The following PIGU variants were observed in gnomAD, a reference collection of about 807,000 sequenced individuals.
PIGU encodes the protein phosphatidylinositol glycan anchor biosynthesis class U.
Under a neutral mutation model 49.9 loss-of-function variants are expected in PIGU, and 24 were observed. The observed-to-expected ratio is 0.48, with a 90% CI of 0.35 to 0.68. The LOEUF (loss-of-function observed/expected upper bound fraction) is 0.68. Ranked by LOEUF, PIGU falls within the 30% of genes least tolerant of loss-of-function variation. The pLI is 0.01. For synonymous variants in PIGU, 220 were observed against 205.7 expected (o/e 1.07, Z -0.59); for missense variants, 490 against 532.6 (o/e 0.92, Z 0.79).
intron 2 of PIGU, among the ~76,000 whole-genome samples, chr20:34,647,511 C>T (rs1281849956): frequency 3.3e-5 from 5 of 151,880 alleles, no homozygotes; most frequent in Non-Finnish European, 5.9e-5. Flanking sequence ...CCACCCGCCT[C>T]GGCCTCCCAA....
At chr20:34,661,071 T>C (rs980746911) in intron 1 of PIGU, among the ~76,000 whole-genome samples, 4 of 152,224 alleles carry the variant, frequency 2.6e-5, no homozygotes, top group African/African-American at 9.6e-5. Flanking sequence ...GAGATCTATA[T>C]TTAATGAAGA....
chr20:34,579,779 T>C (rs1196575409), intron 10 of PIGU, among the ~76,000 whole-genome samples: 1 of 152,230 alleles, frequency 6.6e-6, no homozygotes, highest in African/African-American at 2.4e-5. Flanking sequence ...TTGTGCCTCC[T>C]CACCCCAGAG....
intron 2 of PIGU, among the ~76,000 whole-genome samples, chr20:34,651,807 T>C (rs1306993507): frequency 6.6e-6 from 1 of 152,056 alleles, no homozygotes; most frequent in Non-Finnish European, 1.5e-5. Context: ...AGATTCGCAT[T>C]TAAATCCAGG....
At position 34,560,964 on chromosome 20, in the gene PIGU, CAG is replaced by C; in HGVS notation, c.1208_1209del (p.Ser403Ter). On this transcript the variant is annotated frameshift_variant, in exon 12 of 12. Transcript: ENST00000217446. LOFTEE classifies it high-confidence loss of function. Reference protein sequence around the residue: ...TFNVGQILLISDYFYAFLRRE... With the variant: ...TFNVGQILLIXDYFYAFLRRE... ...CGCCGCAGGAAGGCATAGAAGTAAT[CAG>C]AGATGAGCAGGATCTGGGGGGAGAG... The C allele has an allele frequency of 6.2e-7, 1 of 1,607,774 alleles. No individual in the cohort carries two copies. Among genetic ancestry groups the C allele is most frequent in the Non-Finnish European group, 8.5e-7 (1 of 1,174,650 alleles).
chr20:34,580,107 A>C (rs959143293), intron 10 of PIGU, among the ~76,000 whole-genome samples: 7 of 152,338 alleles, frequency 4.6e-5, no homozygotes, highest in African/African-American at 1.7e-4. Flanking sequence ...ATGGGATGAA[A>C]GACAGTCACT....
At chr20:34,633,548 G>A (rs1433063122) in intron 6 of PIGU, among the ~76,000 whole-genome samples, 1 of 151,558 alleles carries the variant, frequency 6.6e-6, no homozygotes, top group Non-Finnish European at 1.5e-5. Flanking sequence ...GGGAAAAGGG[G>A]ATATTGGTAC....
At chr20:34,654,909 G>C (rs1462061773) in intron 2 of PIGU, among the ~76,000 whole-genome samples, 1 of 116,472 alleles carries the variant, frequency 8.6e-6, no homozygotes, top group African/African-American at 3.2e-5. Flanking sequence ...GGAGGCTGAG[G>C]CAGAGGAGTC....
chr20:34,630,212 C>T (rs924418137), intron 6 of PIGU, among the ~76,000 whole-genome samples: 1 of 152,058 alleles, frequency 6.6e-6, no homozygotes, highest in Non-Finnish European at 1.5e-5. Flanking sequence ...TAACTTTCTA[C>T]TCTACCTGCA....
chr20:34,580,805 G>A (rs1247484584), intron 10 of PIGU, among the ~76,000 whole-genome samples: 1 of 152,186 alleles, frequency 6.6e-6, no homozygotes, highest in African/African-American at 2.4e-5. Flanking sequence ...ACCCACCATA[G>A]AGGGCTAAGA....
intron 1 of PIGU, among the ~76,000 whole-genome samples, chr20:34,666,122 G>A (rs1987083167): frequency 6.6e-6 from 1 of 152,022 alleles, no homozygotes; most frequent in African/African-American, 2.4e-5. Flanking sequence ...GAATGCGGAG[G>A]TTGTAGTGAG....
At chr20:34,636,806 G>A (rs935446774) in intron 5 of PIGU, among the ~76,000 whole-genome samples, 1 of 152,092 alleles carries the variant, frequency 6.6e-6, no homozygotes, top group African/African-American at 2.4e-5. Flanking sequence ...TACCTCCCAC[G>A]ACTGTGAGAT....
chr20:34,636,329 G>C (rs984510924), intron 5 of PIGU, among the ~76,000 whole-genome samples: 2 of 152,086 alleles, frequency 1.3e-5, no homozygotes, highest in African/African-American at 2.4e-5. Context: ...GATCATTTGA[G>C]GTCAGGAGTT....
At chr20:34,631,324 A>G (rs1985699547) in intron 6 of PIGU, among the ~76,000 whole-genome samples, 2 of 152,052 alleles carry the variant, frequency 1.3e-5, no homozygotes, top group South Asian at 2.1e-4. Flanking sequence ...AACTTAATCA[A>G]TCAAGAAAAT....
intron 7 of PIGU, among the ~76,000 whole-genome samples, chr20:34,605,983 C>T (rs1984596598): frequency 1.3e-5 from 2 of 152,220 alleles, no homozygotes; most frequent in South Asian, 4.2e-4. Flanking sequence ...CCAGCCGGCG[C>T]AGTGGCTCAC....
rs1986323810 is a variant in PIGU at position 34,645,762 on chromosome 20, T to C, written c.196-428A>G. Among the ~76,000 whole-genome samples, 6 of 152,154 alleles carry C rather than the reference T, an allele frequency of 3.9e-5. No homozygotes were observed. In the South Asian group the frequency reaches 1.2e-3, roughly 32 times the overall value. On this transcript the variant is annotated intron_variant, in intron 2 of 11. Coordinates refer to ENST00000217446, the MANE Select transcript of PIGU (RefSeq NM_080476.5). Reference sequence around the variant, plus strand: ...ATACAAAAAAATTAGCCGGGCGTGGTGGCGGGCGCCTGTAGTCCCAACTAC... The same window carrying C: ...ATACAAAAAAATTAGCCGGGCGTGGCGGCGGGCGCCTGTAGTCCCAACTAC...
intron 11 of PIGU, among the ~76,000 whole-genome samples, chr20:34,574,210 G>A (rs1983129330): frequency 6.6e-6 from 1 of 152,212 alleles, no homozygotes; most frequent in Non-Finnish European, 1.5e-5. Flanking sequence ...AAGCGTGGGT[G>A]AGTCCACCTA....
In PIGU at chr20:34,627,946, T is replaced by C. The variant is rs376897569; in HGVS notation, c.529+6669A>G. 6.7e-4 allele frequency among the ~76,000 whole-genome samples: 102 copies of C among 152,238 alleles called. 2 individuals are homozygous for C. The South Asian group carries it at 8.7e-3, about 13-fold the overall frequency. ...TATCTAGCCATTTTAAGTAATCCAATAATAAATTAAACTAATAGGCCTACA... is the reference window on the plus strand; with the variant it reads ...TATCTAGCCATTTTAAGTAATCCAACAATAAATTAAACTAATAGGCCTACA... On this transcript the variant is annotated intron_variant, in intron 6 of 11. Transcript: ENST00000217446.
At chr20:34,588,645 A>T (rs779842876) in intron 7 of PIGU, 38 bp from the exon 8 acceptor site, 1 of 1,587,516 alleles carries the variant, frequency 6.3e-7, no homozygotes, top group South Asian at 1.1e-5. Context: ...TTAGGGATGT[A>T]AACAACAGAG....
Position 34,575,202 on chromosome 20 carries a change from A to T in PIGU, c.1096T>A (p.Ser366Thr), listed in dbSNP as rs1274990411. Residue 366 changes from serine to threonine, a missense_variant, in exon 11 of 12, where the codon TCC (serine) becomes ACC (threonine). Ser to Thr is a moderately conservative substitution (Grantham distance 58). Coordinates refer to ENST00000217446, the MANE Select transcript of PIGU (RefSeq NM_080476.5). ...FVLTCIIIVC[S>T]LLFPVLWHLW... ...TGCCACAGGACAGGGAAGAGCAGGG[A>T]ACAGACGATGATGATGCAGGTGAGG... 6.2e-7 allele frequency: 1 copy of T among 1,614,170 alleles called. No individual in the cohort carries two copies. The highest frequency in any genetic ancestry group is 1.1e-5 in the South Asian group (1 of 91,086).
Sources: gnomAD v4.1 joint callset for allele counts (sites outside exome capture counted in the v4.1 genomes callset) on GRCh38, gnomAD v4.1.1 for gene constraint, MANE v1.5 for transcripts, NCBI Gene and HGNC (gene_info 2026-07-23, HGNC 2026-07-21) for gene names.